Variants in ANO1 observed in about 807,000 individuals in gnomAD.
The protein encoded by ANO1 is anoctamin-1.
A neutral mutation model predicts 124.0 loss-of-function variants in ANO1; 59 were observed. The ratio of observed to expected loss-of-function variants is 0.48; its 90% confidence interval spans 0.39 to 0.59. The LOEUF is 0.59. Among genes scored for constraint, ANO1 ranks in the 20% least tolerant of loss-of-function variants. The pLI is 0.00. For synonymous variants in ANO1, 529 were observed against 532.0 expected (o/e 0.99, Z 0.08); for missense variants, 1,059 against 1,328.0 (o/e 0.80, Z 3.15).
At chr11:70,169,404 G>A (rs2048371437) in intron 21 of ANO1, among the ~76,000 whole-genome samples, 1 of 152,036 alleles carries the variant, frequency 6.6e-6, no homozygotes, top group South Asian at 2.1e-4. Context: ...CACAGATGTG[G>A]ATAGATGGGG....
At chr11:70,126,316 C>A in intron 10 of ANO1, 121 bp downstream of exon 10, 1 of 1,245,242 alleles carries the variant, frequency 8.0e-7, no homozygotes, top group Non-Finnish European at 1.1e-6. Flanking sequence ...CATGAAACCT[C>A]ACGCCAAGCC....
intron 1 of ANO1, among the ~76,000 whole-genome samples, chr11:70,032,390 A>G (rs1462041177): frequency 2.0e-5 from 3 of 152,126 alleles, no homozygotes; most frequent in African/African-American, 4.8e-5. Context: ...GAAGCTGGGA[A>G]TCTACCTCAA....
At chr11:70,180,154 C>A in intron 23 of ANO1, 98 bp downstream of exon 23, 1 of 1,151,936 alleles carries the variant, frequency 8.7e-7, no homozygotes, top group African/African-American at 1.5e-5. Flanking sequence ...GGTCTTCTGC[C>A]TCTAGCCATG....
intron 1 of ANO1, among the ~76,000 whole-genome samples, chr11:70,014,295 A>AT (rs201906636): frequency 0.26 from 32,869 of 126,140 alleles, 4,149 homozygotes; most frequent in South Asian, 0.33. Flanking sequence ...GACAACGTGC[A>AT]GGAGCTCTTC....
At chr11:70,002,903 A>G (rs1856413157) in intron 1 of ANO1, among the ~76,000 whole-genome samples, 1 of 152,220 alleles carries the variant, frequency 6.6e-6, no homozygotes, top group African/African-American at 2.4e-5. Flanking sequence ...ATCATTAAGT[A>G]TAAAAATAAA....
chr11:70,048,839 G>T (rs373174241), intron 1 of ANO1, among the ~76,000 whole-genome samples: 26 of 152,078 alleles, frequency 1.7e-4, no homozygotes, highest in African/African-American at 5.5e-4. Flanking sequence ...ATATCCCTTG[G>T]GGGGGCCTAC....
chr11:70,186,387 G>GAAGGAAGGAAGGAAGC (rs2049127262), intron 25 of ANO1, among the ~76,000 whole-genome samples: 1 of 141,858 alleles, frequency 7.0e-6, no homozygotes. Context: ...AGGAAGGAAG[G>GAAGGAAGGAAGGAAGC]AAGGAAGGAA....
chr11:70,157,093 G>A (rs1161752204), intron 16 of ANO1, 72 bp downstream of exon 16: 85 of 1,416,878 alleles, frequency 6.0e-5, no homozygotes, highest in African/African-American at 1.7e-4. Context: ...TCAGCCGGGC[G>A]TGGTGGTTCA....
chr11:70,171,186 G>A (rs2048459554), intron 22 of ANO1, 147 bp downstream of exon 22: 1 of 1,206,840 alleles, frequency 8.3e-7, no homozygotes, highest in Non-Finnish European at 1.1e-6. Flanking sequence ...TGGAGCCTGG[G>A]GGCAGGTGAC....
At position 70,152,527 on chromosome 11, in the gene ANO1, T is replaced by A. The variant is rs367773596; in HGVS notation, c.1353+66T>A. 6.4e-5 allele frequency: 100 copies of A among 1,553,020 alleles called. No homozygotes were observed. In the African/African-American group the frequency reaches 1.2e-3, roughly 19 times the overall value. ...ATCTCCCTGGGAGAGGGACCTTCTC[T>A]TGCACCTAATCTCTTTCTACCACGC... On this transcript the variant is annotated intron_variant, in intron 13 of 25. Transcript: ENST00000355303.
intron 25 of ANO1, among the ~76,000 whole-genome samples, 194 bp from the exon 26 acceptor site, chr11:70,187,544 G>A (rs896830150): frequency 4.6e-5 from 7 of 152,182 alleles, no homozygotes; most frequent in African/African-American, 7.2e-5. Flanking sequence ...CGAGAAAGTC[G>A]GCCAACATTT....
intron 16 of ANO1, among the ~76,000 whole-genome samples, chr11:70,159,657 C>T (rs959794288): frequency 2.6e-5 from 4 of 152,236 alleles, no homozygotes; most frequent in South Asian, 2.1e-4. Context: ...GCAGGGCGTG[C>T]CTGTTGTGGG....
intron 1 of ANO1, among the ~76,000 whole-genome samples, chr11:70,051,986 C>T (rs1439720908): frequency 1.3e-5 from 2 of 152,146 alleles, no homozygotes; most frequent in Non-Finnish European, 2.9e-5. Context: ...AAGGTAGCCT[C>T]CTGTGGTATA....
intron 1 of ANO1, among the ~76,000 whole-genome samples, chr11:70,069,719 G>T (rs530672560): frequency 6.6e-6 from 1 of 152,010 alleles, no homozygotes; most frequent in Admixed American, 6.6e-5. Context: ...CGTTAGAGGC[G>T]GGGCAGGCAG....
intron 1 of ANO1, among the ~76,000 whole-genome samples, chr11:69,998,959 A>T (rs531523620): frequency 6.6e-6 from 1 of 151,988 alleles, no homozygotes; most frequent in East Asian, 1.9e-4. Context: ...AAAGAATAAA[A>T]GGAATACCTG....
intron 1 of ANO1, among the ~76,000 whole-genome samples, chr11:69,990,474 G>A (rs950904410): frequency 6.6e-6 from 1 of 152,186 alleles, no homozygotes; most frequent in Admixed American, 6.5e-5. Context: ...GTGTCTGTTT[G>A]AGTTCCTATT....
rs549048198 is a variant in ANO1, at chr11:70,034,006, A to C, written c.59-44536A>C. Among the ~76,000 whole-genome samples, 5 of 152,096 alleles carry C rather than the reference A, an allele frequency of 3.3e-5. No individual in the cohort carries two copies. In the East Asian group the frequency reaches 7.9e-4, roughly 24 times the overall value. On this transcript the variant is annotated intron_variant, in intron 1 of 27. Transcript: ENST00000531349. ...CCAACCCCTGCTCCGTACATCTGTG[A>C]GTTCCTTGAGGGCAAGCATCCCCCA...
intron 1 of ANO1, among the ~76,000 whole-genome samples, chr11:69,995,646 A>C (rs1856255458): frequency 6.6e-6 from 1 of 151,994 alleles, no homozygotes; most frequent in African/African-American, 2.4e-5. Context: ...CTCATTATTC[A>C]GCTGGGATTA....
intron 5 of ANO1, among the ~76,000 whole-genome samples, chr11:70,107,602 TAGCACGACC>T (rs2045609819): frequency 6.6e-6 from 1 of 151,706 alleles, no homozygotes; most frequent in Non-Finnish European, 1.5e-5. Context: ...CACGTCTGCA[TAGCACGACC>T]AGTTCTTCTC....
Sources: gnomAD v4.1 joint callset for allele counts (sites outside exome capture counted in the v4.1 genomes callset) on GRCh38, gnomAD v4.1.1 for gene constraint, MANE v1.5 for transcripts, NCBI Gene and HGNC (gene_info 2026-07-23, HGNC 2026-07-21) for gene names.